The following PTPRK variants were observed in gnomAD, a reference collection of about 807,000 sequenced individuals.
PTPRK encodes the protein protein tyrosine phosphatase receptor type K, also known as receptor-type tyrosine-protein phosphatase kappa.
PTPRK carries 75 observed loss-of-function variants against 178.0 expected under a neutral mutation model. The ratio of observed to expected loss-of-function variants is 0.42; its 90% confidence interval spans 0.35 to 0.51. PTPRK has a LOEUF of 0.51. PTPRK is among the 20% of genes least tolerant of loss of function. The probability of loss-of-function intolerance (pLI) is 0.02; values close to 1 mark genes in which losing one functional copy is unlikely to be tolerated. For missense variants in PTPRK, 1,441 were observed against 1,797.8 expected, an observed-to-expected ratio of 0.80 and a Z score of 3.59; for synonymous variants, 637 against 620.6, an observed-to-expected ratio of 1.03 and a Z score of -0.39.
intron 5 of PTPRK, among the ~76,000 whole-genome samples, chr6:128,221,908 T>A (rs998994234): frequency 2.0e-5 from 3 of 151,994 alleles, no homozygotes; most frequent in African/African-American, 4.8e-5. Context: ...CATGCAAACC[T>A]CAGACTGCGT....
chr6:128,287,728 A>G (rs1822735052), intron 3 of PTPRK, among the ~76,000 whole-genome samples: 1 of 152,168 alleles, frequency 6.6e-6, no homozygotes, highest in East Asian at 1.9e-4. Flanking sequence ...TTCTTGGAAG[A>G]TGAGCTGACG....
intron 13 of PTPRK, chr6:128,027,932 C>T (rs556017446): frequency 6.6e-6 from 1 of 152,256 alleles, no homozygotes; most frequent in Admixed American, 6.5e-5. Flanking sequence ...AGGTTGGTAT[C>T]ACCTCTTTCC....
chr6:128,464,321 C>A (rs932356235), intron 1 of PTPRK, among the ~76,000 whole-genome samples: 2 of 151,556 alleles, frequency 1.3e-5, no homozygotes, highest in Non-Finnish European at 2.9e-5. Flanking sequence ...AAGACATAAA[C>A]TAGATGAAAG....
chr6:128,046,698 GCTTT>G (rs1293848814), intron 13 of PTPRK, among the ~76,000 whole-genome samples: 1 of 152,050 alleles, frequency 6.6e-6, no homozygotes, highest in Non-Finnish European at 1.5e-5. Context: ...TTAAACCCTT[GCTTT>G]TAAACCACCC....
chr6:127,997,832 T>C lies in PTPRK; in HGVS notation c.2680-844A>G, dbSNP rs112394941. On this transcript the variant is annotated intron_variant, in intron 16 of 29. Transcript: ENST00000368226. Reference sequence around the variant, plus strand: ...GATAATTAACACTCCTAATTTAAGGTATACAGGTAATCCATAGATAAAATA... The same window carrying C: ...GATAATTAACACTCCTAATTTAAGGCATACAGGTAATCCATAGATAAAATA... Among the ~76,000 whole-genome samples the C allele has an allele frequency of 1.1e-3, 164 of 152,240 alleles. 1 individual carries two copies. Among genetic ancestry groups the C allele is most frequent in the African/African-American group, 3.4e-3 (142 of 41,564 alleles).
intron 10 of PTPRK, among the ~76,000 whole-genome samples, chr6:128,080,291 C>T (rs1241664400): frequency 1.3e-5 from 2 of 151,880 alleles, no homozygotes; most frequent in Non-Finnish European, 2.9e-5. Context: ...AGGAGTCATG[C>T]AAAGAAGGAC....
chr6:128,102,508 G>T (rs150845709), intron 7 of PTPRK, among the ~76,000 whole-genome samples: 46 of 152,248 alleles, frequency 3.0e-4, no homozygotes, highest in Middle Eastern at 6.8e-3. Flanking sequence ...TAAAGTGAGG[G>T]GGTATGAAGG....
chr6:128,190,490 C>CGT (rs763994813), intron 6 of PTPRK, among the ~76,000 whole-genome samples: 1 of 96,126 alleles, frequency 1.0e-5, no homozygotes, highest in African/African-American at 5.3e-5. Flanking sequence ...TGATAGATAC[C>CGT]TTTTTTTTTT....
chr6:128,110,341 T>C (rs1363177099), intron 7 of PTPRK, among the ~76,000 whole-genome samples: 1 of 152,164 alleles, frequency 6.6e-6, no homozygotes, highest in Non-Finnish European at 1.5e-5. Context: ...CTAGACATTG[T>C]CTAATGTCAA....
chr6:128,447,811 A>T (rs926702748), intron 1 of PTPRK, among the ~76,000 whole-genome samples: 6 of 151,862 alleles, frequency 4.0e-5, no homozygotes, highest in African/African-American at 1.5e-4. Flanking sequence ...TTTAGTAGAG[A>T]TGGGGTTTCA....
At chr6:128,426,345 A>G (rs902482714) in intron 1 of PTPRK, among the ~76,000 whole-genome samples, 1 of 152,200 alleles carries the variant, frequency 6.6e-6, no homozygotes, top group East Asian at 1.9e-4. Flanking sequence ...CTCCCAGAGA[A>G]CACTGTTTCT....
chr6:128,452,283 G>T (rs1562550789), intron 1 of PTPRK, among the ~76,000 whole-genome samples: 2 of 152,072 alleles, frequency 1.3e-5, no homozygotes, highest in Non-Finnish European at 2.9e-5. Flanking sequence ...AACTAAGCAT[G>T]GTCATCCGAG....
At chr6:128,082,030 C>T (rs967564026) in intron 10 of PTPRK, among the ~76,000 whole-genome samples, 5 of 151,906 alleles carry the variant, frequency 3.3e-5, no homozygotes, top group Non-Finnish European at 5.9e-5. Context: ...GAAAATGAAA[C>T]AGAAACAAGG....
chr6:128,108,754 C>T (rs1302537665), intron 7 of PTPRK, among the ~76,000 whole-genome samples: 1 of 152,122 alleles, frequency 6.6e-6, no homozygotes, highest in Non-Finnish European at 1.5e-5. Context: ...AAATATATTT[C>T]TCACAGTTCT....
chr6:128,161,615 T>G (rs1798721236), intron 7 of PTPRK, among the ~76,000 whole-genome samples: 1 of 151,604 alleles, frequency 6.6e-6, no homozygotes, highest in South Asian at 2.1e-4. Flanking sequence ...AATTTAACTC[T>G]TATAAAATTA....
intron 1 of PTPRK, among the ~76,000 whole-genome samples, chr6:128,427,631 T>C (rs954320020): frequency 2.0e-5 from 3 of 152,234 alleles, no homozygotes; most frequent in Non-Finnish European, 4.4e-5. Flanking sequence ...ATTAAATACA[T>C]TTAATGAATC....
At chr6:128,195,050 A>C (rs527641941) in intron 6 of PTPRK, among the ~76,000 whole-genome samples, 2 of 150,702 alleles carry the variant, frequency 1.3e-5, no homozygotes, top group African/African-American at 5.0e-5. Context: ...ACATATGTAA[A>C]TATATGTGAT....
At chr6:128,134,242 G>A (rs1242276766) in intron 7 of PTPRK, among the ~76,000 whole-genome samples, 2 of 152,088 alleles carry the variant, frequency 1.3e-5, no homozygotes, top group African/African-American at 4.8e-5. Context: ...TCCTGAGTTT[G>A]AACTGCTCCT....
At chr6:128,166,984 A>G (rs1799498847) in intron 7 of PTPRK, among the ~76,000 whole-genome samples, 1 of 151,746 alleles carries the variant, frequency 6.6e-6, no homozygotes, top group South Asian at 2.1e-4. Context: ...TCATCTGGAA[A>G]GTACTAGGAA....
Sources: gnomAD v4.1 joint callset for allele counts (sites outside exome capture counted in the v4.1 genomes callset) on GRCh38, gnomAD v4.1.1 for gene constraint, MANE v1.5 for transcripts, NCBI Gene and HGNC (gene_info 2026-07-23, HGNC 2026-07-21) for gene names.